Variants in CRPPA observed in about 807,000 individuals in gnomAD.
CRPPA encodes the protein CDP-L-ribitol pyrophosphorylase A.
Under a neutral mutation model 52.0 loss-of-function variants are expected in CRPPA, and 43 were observed. The ratio of observed to expected loss-of-function variants is 0.83; its 90% CI spans 0.65 to 1.07. The LOEUF (loss-of-function observed/expected upper bound fraction) is 1.07. CRPPA is among the 50% of genes least tolerant of loss of function. The pLI, the probability that CRPPA is intolerant of heterozygous loss-of-function variation, is 0.00. For synonymous variants in CRPPA, 250 were observed against 203.5 expected (o/e 1.23, Z -1.94); for missense variants, 629 against 551.7 (o/e 1.14, Z -1.40).
chr7:16,400,048 A>G (rs1266943346), intron 2 of CRPPA, among the ~76,000 whole-genome samples: 1 of 152,066 alleles, frequency 6.6e-6, no homozygotes, highest in Non-Finnish European at 1.5e-5. Context: ...CGAATACACA[A>G]CACGTGATTG....
At chr7:16,095,392 G>T (rs1185295294) in intron 9 of CRPPA, among the ~76,000 whole-genome samples, 1 of 147,282 alleles carries the variant, frequency 6.8e-6, no homozygotes, top group Non-Finnish European at 1.5e-5. Flanking sequence ...TCTAAAAATG[G>T]GATAACATTT....
intron 8 of CRPPA, among the ~76,000 whole-genome samples, chr7:16,219,925 C>T (rs1782452767): frequency 6.8e-6 from 1 of 148,012 alleles, no homozygotes; most frequent in Non-Finnish European, 1.5e-5. Flanking sequence ...AAGAGGGAAT[C>T]CTCCCTAACT....
rs1583345592 is a variant in CRPPA, at chr7:16,088,211, C to T, written c.*3484G>A. On this transcript the variant is annotated 3_prime_UTR_variant, in exon 10 of 10. Coordinates refer to ENST00000407010, the MANE Select transcript of CRPPA (RefSeq NM_001101426.4). The stretch of plus-strand genomic sequence containing the variant: ...ACGACTAACTTTAATTTGCATTTAA[C>T]TAACTAGCGTAAGTTTAGAAAGAAA... 6.6e-6 allele frequency: 1 copy of T among 152,112 alleles called. No individual in the cohort carries two copies. The highest frequency in any genetic ancestry group is 1.5e-5 in the Non-Finnish European group (1 of 68,032). The allele number at this position is 152,112 out of a possible 1,614,324, so 9.4% of individuals were successfully genotyped here.
intron 9 of CRPPA, among the ~76,000 whole-genome samples, chr7:16,189,095 A>T (rs188219501): frequency 6.6e-5 from 10 of 151,994 alleles, no homozygotes; most frequent in Non-Finnish European, 7.4e-5. Flanking sequence ...AACACACATT[A>T]AAAAAAACCT....
At chr7:16,275,118 T>C (rs1045284017) in intron 6 of CRPPA, among the ~76,000 whole-genome samples, 2 of 151,772 alleles carry the variant, frequency 1.3e-5, no homozygotes, top group Non-Finnish European at 2.9e-5. Context: ...TGGCAGCACA[T>C]ATAAAGACAC....
At chr7:16,156,414 G>A (rs1335237793) in intron 9 of CRPPA, among the ~76,000 whole-genome samples, 1 of 152,118 alleles carries the variant, frequency 6.6e-6, no homozygotes, top group Non-Finnish European at 1.5e-5. Context: ...TGAGTAAAGG[G>A]AAGAAAATCT....
chr7:16,335,881 C>T (rs554719917), intron 3 of CRPPA, among the ~76,000 whole-genome samples: 14 of 152,164 alleles, frequency 9.2e-5, no homozygotes, highest in Admixed American at 6.5e-5. Context: ...GGGTAAGAAA[C>T]GTTATTCAAA....
At chr7:16,241,971 T>TTG (rs1783123848) in intron 8 of CRPPA, among the ~76,000 whole-genome samples, 52 of 86,010 alleles carry the variant, frequency 6.0e-4, no homozygotes, top group South Asian at 7.1e-4. Flanking sequence ...TTTTTTTTGT[T>TTG]GGGGGGAGAT....
intron 8 of CRPPA, among the ~76,000 whole-genome samples, chr7:16,252,921 G>C (rs1055642402): frequency 1.3e-5 from 2 of 151,968 alleles, no homozygotes; most frequent in African/African-American, 4.8e-5. Context: ...TCTGATGGTA[G>C]TTTGTATTTC....
intron 3 of CRPPA, among the ~76,000 whole-genome samples, chr7:16,370,207 T>C (rs777331887): frequency 3.3e-5 from 5 of 152,156 alleles, no homozygotes; most frequent in Non-Finnish European, 5.9e-5. Context: ...CAAGTGGGGA[T>C]AAACTCCCTT....
At chr7:16,147,655 T>C (rs2128377871) in intron 9 of CRPPA, among the ~76,000 whole-genome samples, 1 of 152,288 alleles carries the variant, frequency 6.6e-6, no homozygotes, top group African/African-American at 2.4e-5. Flanking sequence ...TACTCTAAGC[T>C]CTTTGAGGAA....
chr7:16,372,119 C>T (rs1049231022), intron 3 of CRPPA, among the ~76,000 whole-genome samples: 2 of 152,130 alleles, frequency 1.3e-5, no homozygotes, highest in African/African-American at 2.4e-5. Flanking sequence ...GTTTGGAAAA[C>T]TTATTTGAGG....
intron 8 of CRPPA, among the ~76,000 whole-genome samples, chr7:16,249,408 C>T (rs968341578): frequency 6.6e-6 from 1 of 152,174 alleles, no homozygotes; most frequent in African/African-American, 2.4e-5. Context: ...TCAAGTGGGT[C>T]CCTGACACCC....
Position 16,156,854 on chromosome 7 carries a change from T to G in CRPPA, c.1251+59212A>C, listed in dbSNP as rs146821088. ...TAGTAGAGACAATTTTTCATACATTTTAGGGGGCTCATAGATCACCTGAAA... is the reference window on the plus strand; with the variant it reads ...TAGTAGAGACAATTTTTCATACATTGTAGGGGGCTCATAGATCACCTGAAA... On this transcript the variant is annotated intron_variant, in intron 9 of 9. Coordinates refer to ENST00000407010, the MANE Select transcript of CRPPA (RefSeq NM_001101426.4). Among the ~76,000 whole-genome samples the G allele has an allele frequency of 2.5e-3, 380 of 152,208 alleles. 1 individual carries two copies. Among genetic ancestry groups the G allele is most frequent in the Middle Eastern group, 0.01 (3 of 294 alleles).
chr7:16,211,478 A>C (rs1476764375), intron 9 of CRPPA, among the ~76,000 whole-genome samples: 1 of 152,214 alleles, frequency 6.6e-6, no homozygotes, highest in East Asian at 1.9e-4. Context: ...GGTGCCATGG[A>C]AAGTTTTGTG....
At chr7:16,268,597 T>C (rs1158717542) in intron 6 of CRPPA, among the ~76,000 whole-genome samples, 1 of 152,142 alleles carries the variant, frequency 6.6e-6, no homozygotes. Flanking sequence ...ATTTTAAAAA[T>C]ACTAAGGATA....
intron 8 of CRPPA, among the ~76,000 whole-genome samples, chr7:16,224,446 G>C (rs943473481): frequency 1.3e-5 from 2 of 152,028 alleles, no homozygotes; most frequent in Admixed American, 6.6e-5. Context: ...GTGGTATGAG[G>C]GGAAATAGTC....
chr7:16,367,080 T>C (rs1449628559), intron 3 of CRPPA, among the ~76,000 whole-genome samples: 1 of 152,212 alleles, frequency 6.6e-6, no homozygotes, highest in East Asian at 1.9e-4. Context: ...CATTTCTCTT[T>C]ATAAATCATT....
intron 2 of CRPPA, among the ~76,000 whole-genome samples, chr7:16,396,879 CAT>C (rs1017015159): frequency 2.0e-5 from 3 of 152,192 alleles, no homozygotes; most frequent in East Asian, 1.9e-4. Context: ...ACTGAAAGCA[CAT>C]GTGACAAAAA....
Sources: gnomAD v4.1 joint callset for allele counts (sites outside exome capture counted in the v4.1 genomes callset) on GRCh38, gnomAD v4.1.1 for gene constraint, MANE v1.5 for transcripts, NCBI Gene and HGNC (gene_info 2026-07-23, HGNC 2026-07-21) for gene names.